QTMAN: variants seen among roughly 807,000 people sequenced by gnomAD.
QTMAN encodes tRNA-queuosine alpha-mannosyltransferase.
chr2:143,966,949 G>A, the QTMAN span, among the ~76,000 whole-genome samples: 288 of 152,276 alleles, frequency 1.9e-3, no homozygotes, highest in African/African-American at 6.6e-3. Flanking sequence ...CTGTAGAGAG[G>A]GAAAGAAAAC....
chr2:144,158,409 TA>T, the QTMAN span, among the ~76,000 whole-genome samples: 9 of 151,838 alleles, frequency 5.9e-5, no homozygotes, highest in African/African-American at 2.2e-4. Flanking sequence ...CAACAGCAGG[TA>T]GTGGATATGC....
At chr2:144,315,593 T>C in the QTMAN span, among the ~76,000 whole-genome samples, 1 of 152,232 alleles carries the variant, frequency 6.6e-6, no homozygotes, top group Non-Finnish European at 1.5e-5. Flanking sequence ...CAGTAACATC[T>C]ATTTCTAAAT....
chr2:143,990,789 A>T, the QTMAN span, among the ~76,000 whole-genome samples: 1 of 152,216 alleles, frequency 6.6e-6, no homozygotes, highest in Non-Finnish European at 1.5e-5. Context: ...GCAAAGAGAA[A>T]CAAGGCAGCA....
At chr2:144,126,681 T>C in the QTMAN span, among the ~76,000 whole-genome samples, 4 of 151,982 alleles carry the variant, frequency 2.6e-5, no homozygotes, top group Non-Finnish European at 4.4e-5. Flanking sequence ...GGACCAGCTG[T>C]ATGTTGTTTC....
chr2:144,320,546 G>C, the QTMAN span, among the ~76,000 whole-genome samples: 1 of 152,184 alleles, frequency 6.6e-6, no homozygotes, highest in Non-Finnish European at 1.5e-5. Flanking sequence ...TGGGCAGGAA[G>C]AGGACAAGGA....
At chr2:144,098,437 G>C in the QTMAN span, among the ~76,000 whole-genome samples, 2 of 152,078 alleles carry the variant, frequency 1.3e-5, no homozygotes, top group African/African-American at 4.8e-5. Context: ...AGTCAAGGCC[G>C]GGTGCAGTGG....
chr2:144,129,703 GA>G, the QTMAN span, among the ~76,000 whole-genome samples: 1 of 151,990 alleles, frequency 6.6e-6, no homozygotes, highest in Non-Finnish European at 1.5e-5. Flanking sequence ...TGGAATGTAT[GA>G]ATATCATTTG....
chr2:144,152,688 T>C, the QTMAN span, among the ~76,000 whole-genome samples: 2 of 152,224 alleles, frequency 1.3e-5, no homozygotes, highest in African/African-American at 2.4e-5. Context: ...AGAACATTTG[T>C]AGATATATCT....
the QTMAN span, among the ~76,000 whole-genome samples, chr2:144,329,255 A>G: frequency 1.3e-4 from 20 of 152,202 alleles, no homozygotes; most frequent in Admixed American, 7.2e-4. Context: ...AAAAAATAAA[A>G]ATAAAAAACA....
the QTMAN span, among the ~76,000 whole-genome samples, chr2:144,222,198 A>T: frequency 6.7e-4 from 102 of 151,740 alleles, no homozygotes; most frequent in African/African-American, 2.3e-3. Flanking sequence ...TAGCTGGGAC[A>T]ACAGGCGCCC....
the QTMAN span, among the ~76,000 whole-genome samples, chr2:144,306,661 G>GA: frequency 5.8e-4 from 86 of 149,144 alleles, 3 homozygotes; most frequent in South Asian, 2.1e-4. Flanking sequence ...GAGCCCCCCA[G>GA]AAAAAAAAAG....
the QTMAN span, among the ~76,000 whole-genome samples, chr2:144,182,433 G>T: frequency 6.6e-6 from 1 of 151,880 alleles, no homozygotes; most frequent in Non-Finnish European, 1.5e-5. Flanking sequence ...CTGAGGTCAA[G>T]AGTACAAGAC....
chr2:144,298,868 T>C, the QTMAN span, among the ~76,000 whole-genome samples: 9 of 152,312 alleles, frequency 5.9e-5, no homozygotes, highest in East Asian at 5.8e-4. Context: ...ACTCCTCCAA[T>C]TGCAAATATC....
At chr2:144,226,565 T>C in the QTMAN span, among the ~76,000 whole-genome samples, 1 of 152,182 alleles carries the variant, frequency 6.6e-6, no homozygotes, top group African/African-American at 2.4e-5. Context: ...TAAAAGGGCT[T>C]CCTTTATTCT....
the QTMAN span, among the ~76,000 whole-genome samples, chr2:144,061,310 C>G: frequency 6.6e-6 from 1 of 152,180 alleles, no homozygotes; most frequent in African/African-American, 2.4e-5. Context: ...GAAAATTTGA[C>G]TGAACATTCA....
At chr2:143,938,171 CA>C in the QTMAN span, 2 of 152,316 alleles carry the variant, frequency 1.3e-5, no homozygotes, top group East Asian at 3.9e-4. Flanking sequence ...AACATAGCTG[CA>C]AGCACCAGAG....
chr2:144,024,459 TTGAGTA>T, the QTMAN span, among the ~76,000 whole-genome samples: 2 of 152,160 alleles, frequency 1.3e-5, no homozygotes, highest in Admixed American at 1.3e-4. Flanking sequence ...GTTTGGGAGT[TTGAGTA>T]TGTTTTATTT....
At chr2:144,133,255 A>AT in the QTMAN span, among the ~76,000 whole-genome samples, 1 of 27,790 alleles carries the variant, frequency 3.6e-5, no homozygotes, top group African/African-American at 2.0e-4. Context: ...AAATATATAT[A>AT]AATATATATA....
the QTMAN span, among the ~76,000 whole-genome samples, chr2:144,322,646 G>T: frequency 4.6e-5 from 7 of 152,136 alleles, no homozygotes; most frequent in Non-Finnish European, 8.8e-5. Context: ...GGAAGCACAT[G>T]TATTAATAGC....
Sources: gnomAD v4.1 joint callset for allele counts (sites outside exome capture counted in the v4.1 genomes callset) on GRCh38, gnomAD v4.1.1 for gene constraint, MANE v1.5 for transcripts, NCBI Gene and HGNC (gene_info 2026-07-23, HGNC 2026-07-21) for gene names.